CORIN: variants seen among roughly 807,000 people sequenced by gnomAD.
CORIN encodes corin, serine peptidase.
In CORIN, 117 loss-of-function variants were observed where a neutral mutation model predicts 125.3. That is an observed-to-expected ratio of 0.93 (90% CI 0.80 to 1.09). CORIN has a LOEUF of 1.09. Ranked by LOEUF, CORIN falls within the 50% of genes least tolerant of loss-of-function variation. CORIN has a pLI of 0.00. For missense variants in CORIN, 1,253 were observed against 1,306.7 expected, an observed-to-expected ratio of 0.96 and a Z score of 0.63; for synonymous variants, 450 against 466.4, an observed-to-expected ratio of 0.96 and a Z score of 0.45.
At chr4:47,785,041 T>C (rs1032580642) in intron 3 of CORIN, among the ~76,000 whole-genome samples, 3 of 152,182 alleles carry the variant, frequency 2.0e-5, no homozygotes, top group Non-Finnish European at 4.4e-5. Context: ...TAAAAATAAA[T>C]ACGCCATCTC....
chr4:47,832,284 G>A (rs1440570190), intron 1 of CORIN, among the ~76,000 whole-genome samples: 1 of 151,998 alleles, frequency 6.6e-6, no homozygotes, highest in Non-Finnish European at 1.5e-5. Context: ...ACATCAATCT[G>A]GCCATTTACT....
intron 5 of CORIN, among the ~76,000 whole-genome samples, chr4:47,739,845 G>A (rs1037924779): frequency 2.0e-5 from 3 of 151,814 alleles, no homozygotes; most frequent in African/African-American, 7.2e-5. Context: ...AGATATTGTT[G>A]AAATTCGGTT....
chr4:47,760,670 C>G (rs1315259615), intron 4 of CORIN, among the ~76,000 whole-genome samples: 2 of 152,198 alleles, frequency 1.3e-5, no homozygotes, highest in African/African-American at 4.8e-5. Context: ...ACCTTAACAA[C>G]AGAGTCAGTC....
intron 13 of CORIN, among the ~76,000 whole-genome samples, chr4:47,646,724 T>C (rs61760471): frequency 0.015 from 2,260 of 152,348 alleles, 18 homozygotes; most frequent in Non-Finnish European, 0.025. Flanking sequence ...CTTCATTTCA[T>C]GTAAGGAACA....
chr4:47,647,743 T>G (rs1021092502), intron 13 of CORIN, among the ~76,000 whole-genome samples: 2 of 152,178 alleles, frequency 1.3e-5, no homozygotes, highest in Admixed American at 1.3e-4. Flanking sequence ...CAGTCCTTTG[T>G]AAGATGCGAA....
intron 16 of CORIN, among the ~76,000 whole-genome samples, chr4:47,635,539 AC>A (rs1423085655): frequency 6.6e-6 from 1 of 152,188 alleles, no homozygotes; most frequent in Non-Finnish European, 1.5e-5. Flanking sequence ...AAATGTTTTA[AC>A]ATCAATATTA....
At chr4:47,829,911 G>C (rs1461948110) in intron 1 of CORIN, among the ~76,000 whole-genome samples, 1 of 152,170 alleles carries the variant, frequency 6.6e-6, no homozygotes, top group East Asian at 1.9e-4. Flanking sequence ...AAGTAAACCA[G>C]GATCTAAAAG....
chr4:47,700,852 C>A (rs1360140225), intron 5 of CORIN, among the ~76,000 whole-genome samples: 1 of 152,218 alleles, frequency 6.6e-6, no homozygotes, highest in Non-Finnish European at 1.5e-5. Flanking sequence ...TGCCACTCAA[C>A]CTGGGTGACC....
rs747916936 is a variant in CORIN at position 47,623,997 on chromosome 4, G to T, written c.2316-49C>A. On this transcript the variant is annotated intron_variant, in intron 17 of 21. Coordinates refer to ENST00000273857, the MANE Select transcript of CORIN (RefSeq NM_006587.4). ...TATAACATTAAGTTACATATTTCTT[G>T]TTCAATTCAAACACTTTACCAGTGA... is the stretch of plus-strand genomic sequence containing the variant. 4.0e-6 allele frequency: 6 copies of T among 1,511,746 alleles called. No homozygotes were observed. The South Asian group carries it at 6.8e-5, about 17-fold the overall frequency. 93.6% of individuals were successfully genotyped at this position (1,511,746 alleles called of 1,614,324 possible).
chr4:47,762,298 A>G (rs1729503642), intron 4 of CORIN, among the ~76,000 whole-genome samples: 1 of 152,172 alleles, frequency 6.6e-6, no homozygotes, highest in Non-Finnish European at 1.5e-5. Flanking sequence ...ATGCAATTTT[A>G]TCTGCCAATT....
chr4:47,712,011 A>G (rs1256263408), intron 5 of CORIN, among the ~76,000 whole-genome samples: 1 of 152,224 alleles, frequency 6.6e-6, no homozygotes, highest in African/African-American at 2.4e-5. Flanking sequence ...TGTAAATATA[A>G]CTTTGAAATG....
chr4:47,603,290 C>T, intron 20 of CORIN, 107 bp downstream of exon 20: 5 of 1,190,248 alleles, frequency 4.2e-6, no homozygotes, highest in Non-Finnish European at 5.9e-6. Context: ...TGAGGCCTCC[C>T]CATCCCTGCA....
chr4:47,789,817 G>A (rs1730983786), intron 2 of CORIN, among the ~76,000 whole-genome samples: 1 of 152,048 alleles, frequency 6.6e-6, no homozygotes, highest in Non-Finnish European at 1.5e-5. Context: ...TCAGGAAATA[G>A]AGACCGTCCT....
rs866648714 is a variant in CORIN at position 47,693,038 on chromosome 4, C to G, written c.845G>C (p.Cys282Ser). 2 of 1,613,544 alleles carry G rather than the reference C, an allele frequency of 1.2e-6. No homozygotes were observed. Among genetic ancestry groups the G allele is most frequent in the Non-Finnish European group, 1.7e-6 (2 of 1,179,796 alleles). The change falls in exon 6 of 22, where the codon TGC becomes TCC. Residue 282 changes from cysteine (C) to serine (S), a missense_variant. Cys to Ser is a moderately radical substitution (Grantham distance 112, BLOSUM62 -1). Transcript: ENST00000273857. The part of the protein sequence containing the change: ...GENFLCASGI[C>S]IPGKLQCNGY... ...ATTACATTGCAGTTTCCCGGGGATG[C>G]AGATTCCACTGGCACACAGAAAGTT...
chr4:47,603,217 C>T (rs1293633416), intron 20 of CORIN, among the ~76,000 whole-genome samples, 180 bp downstream of exon 20: 1 of 152,116 alleles, frequency 6.6e-6, no homozygotes, highest in East Asian at 1.9e-4. Flanking sequence ...AGTACTTCTC[C>T]TTGCTGCTGC....
intron 4 of CORIN, among the ~76,000 whole-genome samples, chr4:47,760,560 A>C (rs1729400848): frequency 6.6e-6 from 1 of 152,202 alleles, no homozygotes; most frequent in African/African-American, 2.4e-5. Flanking sequence ...ACACTTATAG[A>C]GTATGAGTAG....
intron 13 of CORIN, among the ~76,000 whole-genome samples, chr4:47,648,781 T>C (rs1359563227): frequency 6.6e-6 from 1 of 152,192 alleles, no homozygotes; most frequent in African/African-American, 2.4e-5. Context: ...AAGGTAATAC[T>C]GCATTATTGA....
chr4:47,675,642 C>A (rs1577812997), intron 9 of CORIN, among the ~76,000 whole-genome samples: 1 of 152,274 alleles, frequency 6.6e-6, no homozygotes, highest in Middle Eastern at 3.4e-3. Flanking sequence ...ATAATACCCC[C>A]TGGGAAGTGG....
chr4:47,673,621 C>A (rs1724871870), intron 10 of CORIN, among the ~76,000 whole-genome samples: 1 of 152,146 alleles, frequency 6.6e-6, no homozygotes, highest in Non-Finnish European at 1.5e-5. Context: ...ATTCTGTCTT[C>A]CCCAAATAAC....
Sources: gnomAD v4.1 joint callset for allele counts (sites outside exome capture counted in the v4.1 genomes callset) on GRCh38, gnomAD v4.1.1 for gene constraint, MANE v1.5 for transcripts, NCBI Gene and HGNC (gene_info 2026-07-23, HGNC 2026-07-21) for gene names.